Variants in IQSEC1 observed in about 807,000 individuals in gnomAD.
IQSEC1 encodes the protein IQ motif and Sec7 domain ArfGEF 1.
Under a neutral mutation model 91.0 loss-of-function variants are expected in IQSEC1, and 31 were observed. The observed-to-expected ratio is 0.34, with a 90% confidence interval of 0.26 to 0.46. The LOEUF is 0.46. Ranked by LOEUF, IQSEC1 falls within the 20% of genes least tolerant of loss-of-function variation. IQSEC1 has a pLI of 1.00. For missense variants in IQSEC1, 1,388 were observed against 1,575.6 expected (o/e 0.88, Z 2.02); for synonymous variants, 699 against 662.6 (o/e 1.05, Z -0.84).
At chr3:13,083,342 C>G (rs1277835599) in intron 2 of IQSEC1, among the ~76,000 whole-genome samples, 1 of 152,210 alleles carries the variant, frequency 6.6e-6, no homozygotes, top group Non-Finnish European at 1.5e-5. Context: ...TGGTCCTTCA[C>G]CCACTGAGAG....
chr3:13,002,398 A>G (rs1293323698), intron 1 of IQSEC1, among the ~76,000 whole-genome samples: 1 of 152,046 alleles, frequency 6.6e-6, no homozygotes, highest in Non-Finnish European at 1.5e-5. Flanking sequence ...AAGTAAAAAG[A>G]TAAGGCCCTG....
chr3:13,015,597 C>T (rs1017771981), intron 1 of IQSEC1: 26 of 985,210 alleles, frequency 2.6e-5, no homozygotes, highest in Admixed American at 6.2e-5. Context: ...GTGGAGGGGG[C>T]GGAGGTGTCC....
chr3:12,947,384 C>A (rs1011440139), intron 1 of IQSEC1, among the ~76,000 whole-genome samples: 1 of 152,110 alleles, frequency 6.6e-6, no homozygotes, highest in Non-Finnish European at 1.5e-5. Flanking sequence ...GGCCATATGA[C>A]CTGTCTGAGT....
At chr3:12,948,170 T>C (rs1363700852) in intron 1 of IQSEC1, among the ~76,000 whole-genome samples, 1 of 152,258 alleles carries the variant, frequency 6.6e-6, no homozygotes, top group Non-Finnish European at 1.5e-5. Context: ...GAAGACTTAG[T>C]GGAGCTAATT....
chr3:13,015,043 C>G (rs2124935263), intron 1 of IQSEC1, among the ~76,000 whole-genome samples: 1 of 152,288 alleles, frequency 6.6e-6, no homozygotes, highest in South Asian at 2.1e-4. Context: ...AAAGTTTATG[C>G]ACCATAGGGT....
rs3072719 is a variant in IQSEC1, at chr3:12,964,299, T to TACAC, written c.24-22438_24-22435dup. On this transcript the variant is annotated intron_variant, in intron 1 of 13. Coordinates refer to ENST00000613206, the MANE Select transcript of IQSEC1 (RefSeq NM_001134382.3). ...CAACAGCATTTGAGCATACTCCCCC[T>TACAC]ACACACACACACACACACACACACA... 8.8e-3 allele frequency among the ~76,000 whole-genome samples: 1,325 copies of TACAC among 149,906 alleles called. 17 individuals are homozygous for TACAC. Among genetic ancestry groups the TACAC allele is most frequent in the African/African-American group, 0.03 (1,240 of 40,678 alleles).
chr3:13,127,287 G>A lies in IQSEC1; in HGVS notation c.302+36817C>T, dbSNP rs139114016. ...AAATTAGCCAGGTGTGGTGGCAGGC[G>A]CCTGTAATCCCAGCTACTTGGGAGG... On this transcript the variant is annotated intron_variant, in intron 2 of 15. Coordinates refer to the IQSEC1 transcript ENST00000648114. Among the ~76,000 whole-genome samples, 1,227 of 152,160 alleles carry A rather than the reference G, an allele frequency of 8.1e-3. 25 individuals are homozygous for A. Among genetic ancestry groups the A allele is most frequent in the African/African-American group, 0.028 (1,180 of 41,500 alleles).
At chr3:13,049,502 G>T (rs965222745) in intron 1 of IQSEC1, among the ~76,000 whole-genome samples, 4 of 152,144 alleles carry the variant, frequency 2.6e-5, no homozygotes, top group Non-Finnish European at 5.9e-5. Context: ...ATGGAATCAT[G>T]CTCCCACTTC....
intron 1 of IQSEC1, among the ~76,000 whole-genome samples, chr3:13,050,378 G>C (rs1456858318): frequency 6.6e-6 from 1 of 151,960 alleles, no homozygotes; most frequent in Non-Finnish European, 1.5e-5. Context: ...TCCTGAATTT[G>C]GAACCAACCC....
At chr3:13,130,341 C>CAAAA (rs58162524) in intron 2 of IQSEC1, among the ~76,000 whole-genome samples, 184 of 59,732 alleles carry the variant, frequency 3.1e-3, no homozygotes, top group Middle Eastern at 0.02. Flanking sequence ...GAGACTCTGT[C>CAAAA]AAAAAAAAAA....
intron 1 of IQSEC1, chr3:13,053,176 G>T: frequency 2.7e-6 from 2 of 737,422 alleles, no homozygotes; most frequent in South Asian, 1.4e-5. Flanking sequence ...GAAGAGAGGG[G>T]ACTGGCTGTG....
chr3:13,202,736 T>C (rs1296828385), intron 1 of IQSEC1, among the ~76,000 whole-genome samples: 1 of 152,170 alleles, frequency 6.6e-6, no homozygotes, highest in African/African-American at 2.4e-5. Context: ...ATGAATGTAC[T>C]AATACCCCTG....
intron 1 of IQSEC1, among the ~76,000 whole-genome samples, chr3:13,030,904 C>T (rs1419068981): frequency 6.6e-6 from 1 of 152,388 alleles, no homozygotes. Flanking sequence ...GCTATCTCCA[C>T]TTCCACGCAT....
intron 1 of IQSEC1, among the ~76,000 whole-genome samples, chr3:12,990,032 ACCTGGTCCTAGTTCAGCATCTGG>A (rs1352033117): frequency 6.6e-6 from 1 of 152,132 alleles, no homozygotes; most frequent in East Asian, 1.9e-4. Context: ...TAAGCCCCAA[ACCTGGTCCTAGTTCAGCATCTGG>A]CTGAGCTAAA....
intron 1 of IQSEC1, among the ~76,000 whole-genome samples, chr3:13,019,589 T>C (rs908131453): frequency 6.6e-6 from 1 of 152,194 alleles, no homozygotes; most frequent in Non-Finnish European, 1.5e-5. Flanking sequence ...GGCGTGGCCT[T>C]AGTCCTTTCA....
intron 1 of IQSEC1, among the ~76,000 whole-genome samples, chr3:13,065,782 C>T (rs575992554): frequency 2.6e-5 from 4 of 152,214 alleles, no homozygotes; most frequent in Non-Finnish European, 5.9e-5. Flanking sequence ...GGTATTTGCA[C>T]ACCCATGTTC....
chr3:13,271,142 C>T (rs1227775245), intron 1 of IQSEC1, among the ~76,000 whole-genome samples: 1 of 152,120 alleles, frequency 6.6e-6, no homozygotes, highest in East Asian at 1.9e-4. Context: ...CTTTGGGAGG[C>T]TGAGGTGGGC....
rs114561051 is a variant in IQSEC1, at chr3:13,005,092, T to C, written c.24-63227A>G. On this transcript the variant is annotated intron_variant, in intron 1 of 13. Transcript: ENST00000613206. ...CACAGACTCCAAAGTTATCTAAAAA[T>C]TGGTTCTTAACAGCTTCCTGTCATC... 2.8e-3 allele frequency among the ~76,000 whole-genome samples: 421 copies of C among 152,322 alleles called. 1 individual carries two copies. Among genetic ancestry groups the C allele is most frequent in the African/African-American group, 9.7e-3 (403 of 41,554 alleles).
At chr3:13,048,712 C>T (rs1343595816) in intron 1 of IQSEC1, among the ~76,000 whole-genome samples, 2 of 152,240 alleles carry the variant, frequency 1.3e-5, no homozygotes, top group African/African-American at 4.8e-5. Context: ...TGTGATTCCG[C>T]TACTTCCTGT....
Sources: allele counts gnomAD v4.1 joint callset (sites outside exome capture counted in the v4.1 genomes callset), GRCh38; gene constraint gnomAD v4.1.1; transcripts MANE v1.5; gene names NCBI Gene and HGNC (gene_info 2026-07-23, HGNC 2026-07-21).